Variants in VPS13B observed in about 807,000 individuals in gnomAD.
VPS13B encodes the protein vacuolar protein sorting 13 homolog B.
Under a neutral mutation model 426.4 loss-of-function variants are expected in VPS13B, and 285 were observed. The observed-to-expected ratio is 0.67, with a 90% CI of 0.61 to 0.74. The LOEUF (loss-of-function observed/expected upper bound fraction) is 0.74, where lower values mean the gene tolerates loss of function less well. Among genes scored for constraint, VPS13B ranks in the 30% least tolerant of loss-of-function variants. The pLI, the probability that VPS13B is intolerant of heterozygous loss-of-function variation, is 0.00. For synonymous variants in VPS13B, 1,676 were observed against 1,676.4 expected (o/e 1.00, Z 0.01); for missense variants, 4,537 against 4,782.6 (o/e 0.95, Z 1.51).
In VPS13B at chr8:99,717,362, G is replaced by A. The variant is rs780020915; in HGVS notation, c.6646G>A (p.Gly2216Ser). Residue 2216 changes from glycine (G) to serine (S), a missense_variant, in exon 37 of 62, where the codon GGT becomes AGT. Transcript: ENST00000357162. Reference protein sequence around the residue: ...IPKISIDLRGGLLQVFWGQEH... With the variant: ...IPKISIDLRGSLLQVFWGQEH... ...AAAAATATCCATTGACTTAAGAGGA[G>A]GTCTACTACAGGTCTGTGGGTATTG... 16 of 1,613,696 alleles carry A rather than the reference G, an allele frequency of 9.9e-6. No individual in the cohort carries two copies. The highest frequency in any genetic ancestry group is 1.4e-5 in the Non-Finnish European group (16 of 1,179,810).
chr8:99,498,690 T>A (rs1189240135), intron 25 of VPS13B, among the ~76,000 whole-genome samples: 1 of 152,196 alleles, frequency 6.6e-6, no homozygotes, highest in Non-Finnish European at 1.5e-5. Flanking sequence ...GACATGTTGA[T>A]GGGGAGCACT....
At chr8:99,806,228 C>T (rs1041140857) in intron 43 of VPS13B, among the ~76,000 whole-genome samples, 1 of 152,214 alleles carries the variant, frequency 6.6e-6, no homozygotes, top group Non-Finnish European at 1.5e-5. Flanking sequence ...ATGTATTTAA[C>T]CTTATCCTCC....
Position 99,778,534 on chromosome 8 carries a change from AT to A in VPS13B, c.7430-147del, listed in dbSNP as rs374064174. ...CAAATGGGAATCCAAAGATTATAAT[AT>A]CTTCAATAAATAATTTGAATTTATT... On this transcript the variant is annotated intron_variant, in intron 41 of 61. Coordinates refer to ENST00000357162, the MANE Select transcript of VPS13B (RefSeq NM_152564.5). 36 of 757,986 alleles carry A rather than the reference AT, an allele frequency of 4.7e-5. 2 individuals carry two copies. In the African/African-American group the frequency reaches 5.0e-4, roughly 11 times the overall value. 47.0% of individuals were successfully genotyped at this position (757,986 alleles called of 1,614,324 possible).
intron 24 of VPS13B, among the ~76,000 whole-genome samples, chr8:99,471,418 A>G (rs1819398384): frequency 6.6e-6 from 1 of 152,142 alleles, no homozygotes. Flanking sequence ...TCTACATATC[A>G]TATGAAGTGG....
chr8:99,770,753 G>A (rs1481193279), intron 40 of VPS13B, among the ~76,000 whole-genome samples: 3 of 152,142 alleles, frequency 2.0e-5, no homozygotes, highest in Non-Finnish European at 4.4e-5. Flanking sequence ...CTGAATCCGA[G>A]GACAAGCCAG....
intron 2 of VPS13B, among the ~76,000 whole-genome samples, chr8:99,016,150 G>A (rs1841601683): frequency 6.6e-6 from 1 of 152,148 alleles, no homozygotes; most frequent in Admixed American, 6.5e-5. Flanking sequence ...ATGGACACTT[G>A]GGTTTTTAAT....
rs1814360643 is a variant in VPS13B, at chr8:99,821,416, G to A, written c.9117G>A (p.Val3039=). 1 of 1,613,864 alleles carries A rather than the reference G, an allele frequency of 6.2e-7. No homozygotes were observed. The highest frequency in any genetic ancestry group is 1.1e-5 in the South Asian group (1 of 91,056). Residue 3039 remains valine, a synonymous_variant, in exon 50 of 62, where the codon GTG becomes GTA. Coordinates refer to ENST00000357162, the MANE Select transcript of VPS13B (RefSeq NM_152564.5). ...AAGATGGAGGTAATGGTGAAGTTGTGACACTGGATGAAGAAGCGTTTGTTG... is the reference window on the plus strand; with the variant it reads ...AAGATGGAGGTAATGGTGAAGTTGTAACACTGGATGAAGAAGCGTTTGTTG... The part of the protein sequence containing the change: ...KWKDGGNGEV[V]TLDEEAFVDT...
chr8:99,222,170 T>C (rs1815759546), intron 17 of VPS13B, among the ~76,000 whole-genome samples: 1 of 152,190 alleles, frequency 6.6e-6, no homozygotes, highest in South Asian at 2.1e-4. Context: ...TATGTTTTTA[T>C]CAGTGAAACA....
intron 16 of VPS13B, among the ~76,000 whole-genome samples, chr8:99,174,786 G>C (rs1295922411): frequency 6.6e-6 from 1 of 152,068 alleles, no homozygotes; most frequent in Non-Finnish European, 1.5e-5. Flanking sequence ...TGGCAATAGA[G>C]AATAAACATT....
intron 5 of VPS13B, among the ~76,000 whole-genome samples, chr8:99,106,052 C>T (rs1487257394): frequency 1.3e-5 from 2 of 151,948 alleles, no homozygotes; most frequent in East Asian, 1.9e-4. Context: ...GAGGAAGAAA[C>T]TATTATTTTC....
At chr8:99,147,742 G>A (rs1219863395) in intron 13 of VPS13B, 99 bp from the exon 14 acceptor site, 1 of 761,080 alleles carries the variant, frequency 1.3e-6, no homozygotes, top group East Asian at 3.6e-5. Context: ...AGAAAAACAG[G>A]ATTTGACCTT....
chr8:99,039,181 T>C (rs1390314590), intron 3 of VPS13B, among the ~76,000 whole-genome samples: 1 of 152,222 alleles, frequency 6.6e-6, no homozygotes, highest in African/African-American at 2.4e-5. Context: ...TTAACATTTT[T>C]AGATTTTTGC....
chr8:99,204,770 G>A (rs149455679), intron 17 of VPS13B, among the ~76,000 whole-genome samples: 4,620 of 152,240 alleles, frequency 0.03, 109 homozygotes, highest in South Asian at 0.075. Context: ...ATCATCACTA[G>A]TCATTAGACA....
intron 26 of VPS13B, among the ~76,000 whole-genome samples, chr8:99,502,204 G>T (rs1821286129): frequency 6.6e-6 from 1 of 152,050 alleles, no homozygotes; most frequent in Non-Finnish European, 1.5e-5. Flanking sequence ...GGCTGGTCTT[G>T]AACTCCTGAC....
chr8:99,146,337 G>A (rs888832593), intron 13 of VPS13B, among the ~76,000 whole-genome samples: 1 of 152,074 alleles, frequency 6.6e-6, no homozygotes, highest in Non-Finnish European at 1.5e-5. Flanking sequence ...AATCAATTGA[G>A]CATATTTGTG....
chr8:99,294,764 ACT>A (rs1364684928), intron 19 of VPS13B, among the ~76,000 whole-genome samples: 2 of 152,154 alleles, frequency 1.3e-5, no homozygotes. Flanking sequence ...GATACTGAAT[ACT>A]GTTGTGTTGT....
intron 39 of VPS13B, among the ~76,000 whole-genome samples, chr8:99,737,106 CTTTTTTTTTT>C (rs386413466): frequency 1.4e-4 from 6 of 44,374 alleles, no homozygotes; most frequent in Admixed American, 8.6e-4. Flanking sequence ...AGATGTCCTT[CTTTTTTTTTT>C]TTTTTTTTTT....
intron 17 of VPS13B, among the ~76,000 whole-genome samples, chr8:99,273,755 T>C (rs569974582): frequency 6.6e-6 from 1 of 151,786 alleles, no homozygotes; most frequent in Admixed American, 6.5e-5. Flanking sequence ...ATTGCACCAC[T>C]GCACTCCAGC....
At chr8:99,312,312 G>T (rs1207862682) in intron 19 of VPS13B, among the ~76,000 whole-genome samples, 1 of 152,162 alleles carries the variant, frequency 6.6e-6, no homozygotes, top group Admixed American at 6.5e-5. Context: ...GCTACCAGTT[G>T]TTCCTTTCCA....
Sources: gnomAD v4.1 joint callset for allele counts (sites outside exome capture counted in the v4.1 genomes callset) on GRCh38, gnomAD v4.1.1 for gene constraint, MANE v1.5 for transcripts, NCBI Gene and HGNC (gene_info 2026-07-23, HGNC 2026-07-21) for gene names.